Variants in ANGPT4 observed in about 807,000 individuals in gnomAD.
The protein encoded by ANGPT4 is angiopoietin 4, also known as angiopoietin-4.
A neutral mutation model predicts 53.0 loss-of-function variants in ANGPT4; 50 were observed. The ratio of observed to expected loss-of-function variants is 0.94; its 90% confidence interval spans 0.75 to 1.20. The LOEUF (loss-of-function observed/expected upper bound fraction) is 1.20, where lower values mean the gene tolerates loss of function less well. Ranked by LOEUF, ANGPT4 falls within the 50% of genes most tolerant of loss-of-function variation. The probability of loss-of-function intolerance (pLI) is 0.00; values close to 1 mark genes in which losing one functional copy is unlikely to be tolerated. For synonymous variants in ANGPT4, 251 were observed against 259.7 expected, an observed-to-expected ratio of 0.97 and a Z score of 0.32; for missense variants, 648 against 637.1, an observed-to-expected ratio of 1.02 and a Z score of -0.18.
chr20:915,224 G>GCCC (rs143189522), intron 1 of ANGPT4, among the ~76,000 whole-genome samples: 15 of 145,680 alleles, frequency 1.0e-4, no homozygotes, highest in African/African-American at 2.6e-4. Flanking sequence ...CCTTCCAGTG[G>GCCC]CCCCCCCCCC....
rs934241849 is a variant in ANGPT4, at chr20:898,377, G to T, written c.310-8009C>A. Reference sequence around the variant, plus strand: ...GGCTTGAGCTGAAGGCACAGTCAAGGTTAATGCTCCTTTTTCTTTATCTGA... The same window carrying T: ...GGCTTGAGCTGAAGGCACAGTCAAGTTTAATGCTCCTTTTTCTTTATCTGA... On this transcript the variant is annotated intron_variant, in intron 1 of 8. Coordinates refer to ENST00000381922, the MANE Select transcript of ANGPT4 (RefSeq NM_015985.4). Among the ~76,000 whole-genome samples the T allele has an allele frequency of 5.9e-5, 9 of 152,266 alleles. No homozygotes were observed. The South Asian group carries it at 1.0e-3, about 17-fold the overall frequency.
intron 1 of ANGPT4, among the ~76,000 whole-genome samples, chr20:904,619 C>A (rs2122854711): frequency 6.6e-6 from 1 of 152,306 alleles, no homozygotes; most frequent in African/African-American, 2.4e-5. Context: ...AGTGAAATCA[C>A]ACGTTTTTTT....
Position 872,873 on chromosome 20 carries a change from A to G in ANGPT4, c.*87T>C. The stretch of plus-strand genomic sequence containing the variant: ...CCAGGGTGTCAGGGAAGGCGGTGGC[A>G]CAGTGTCTTGCATCTGGGTCCAGGT... On this transcript the variant is annotated 3_prime_UTR_variant, in exon 9 of 9. Transcript: ENST00000381922. 1 of 1,539,094 alleles carries G rather than the reference A, an allele frequency of 6.5e-7. No homozygotes were observed. The highest frequency in any genetic ancestry group is 8.9e-7 in the Non-Finnish European group (1 of 1,129,848).
intron 1 of ANGPT4, among the ~76,000 whole-genome samples, chr20:890,677 A>G (rs1600053758): frequency 6.6e-6 from 1 of 152,198 alleles, no homozygotes; most frequent in Non-Finnish European, 1.5e-5. Context: ...TCCTTTGCTC[A>G]AAATCTTTCC....
At chr20:885,753 C>T (rs983291839) in intron 3 of ANGPT4, among the ~76,000 whole-genome samples, 1 of 152,120 alleles carries the variant, frequency 6.6e-6, no homozygotes, top group African/African-American at 2.4e-5. Flanking sequence ...GAATCCGTTG[C>T]GTTTTGGCGT....
chr20:885,041 G>T (rs755455470), intron 4 of ANGPT4, 37 bp downstream of exon 4: 4 of 1,611,296 alleles, frequency 2.5e-6, no homozygotes, highest in Non-Finnish European at 3.4e-6. Context: ...TCTCCTGCCC[G>T]TCTTTAGCCA....
At chr20:892,786 C>T (rs1275965012) in intron 1 of ANGPT4, among the ~76,000 whole-genome samples, 1 of 152,136 alleles carries the variant, frequency 6.6e-6, no homozygotes, top group African/African-American at 2.4e-5. Context: ...AATCCTCCCA[C>T]CTCCCAAATA....
At chr20:877,257 T>C (rs1375124913) in intron 7 of ANGPT4, among the ~76,000 whole-genome samples, 1 of 152,180 alleles carries the variant, frequency 6.6e-6, no homozygotes, top group African/African-American at 2.4e-5. Context: ...TGATTGCAAC[T>C]ATGGAGGGAA....
intron 1 of ANGPT4, among the ~76,000 whole-genome samples, chr20:907,921 C>T (rs778542687): frequency 9.2e-5 from 14 of 152,180 alleles, no homozygotes; most frequent in Non-Finnish European, 1.8e-4. Context: ...TCCCCAGCAG[C>T]CTGGAGGAAA....
intron 7 of ANGPT4, among the ~76,000 whole-genome samples, chr20:876,144 C>CAAAA (rs3030778): frequency 2.6e-4 from 26 of 99,092 alleles, no homozygotes; most frequent in African/African-American, 7.6e-4. Flanking sequence ...AGCCCTGTCT[C>CAAAA]AAAAAAAAAA....
chr20:880,016 T>C (rs1600044078), intron 5 of ANGPT4, among the ~76,000 whole-genome samples, 168 bp from the exon 6 acceptor site: 1 of 152,198 alleles, frequency 6.6e-6, no homozygotes, highest in South Asian at 2.1e-4. Flanking sequence ...CCCATTGTCA[T>C]CATTTTTCTA....
chr20:909,843 G>A (rs1332539992), intron 1 of ANGPT4, among the ~76,000 whole-genome samples: 1 of 152,194 alleles, frequency 6.6e-6, no homozygotes, highest in Non-Finnish European at 1.5e-5. Flanking sequence ...TGTAATTGTG[G>A]GGACACCCAG....
Position 875,876 on chromosome 20 carries a change from T to A in ANGPT4, c.1221-1462A>T, listed in dbSNP as rs4331587. On this transcript the variant is annotated intron_variant, in intron 7 of 8. Transcript: ENST00000381922. ...TGGGTAGGGTGGCTCACGCCTGTAATCCCCGCACTTTGGGAGGCTGAGGCA... is the reference window on the plus strand; with the variant it reads ...TGGGTAGGGTGGCTCACGCCTGTAAACCCCGCACTTTGGGAGGCTGAGGCA... Among the ~76,000 whole-genome samples the A allele has an allele frequency of 5.5e-3, 844 of 152,152 alleles. 7 individuals are homozygous for A. The highest frequency in any genetic ancestry group is 0.019 in the African/African-American group (787 of 41,510).
intron 5 of ANGPT4, among the ~76,000 whole-genome samples, chr20:880,601 G>A (rs1242336895): frequency 6.6e-6 from 1 of 152,020 alleles, no homozygotes; most frequent in Non-Finnish European, 1.5e-5. Context: ...AAAAAAAAGG[G>A]AATTATGAAG....
intron 1 of ANGPT4, 90 bp from the exon 2 acceptor site, chr20:890,458 G>A (rs1255971335): frequency 6.8e-6 from 8 of 1,180,720 alleles, no homozygotes; most frequent in Non-Finnish European, 9.4e-6. Context: ...GCACTGAGCA[G>A]CCACTTGAGG....
chr20:890,826 C>G (rs2122808741), intron 1 of ANGPT4, among the ~76,000 whole-genome samples: 1 of 152,218 alleles, frequency 6.6e-6, no homozygotes, highest in South Asian at 2.1e-4. Context: ...CATGACATCC[C>G]TCTAACGAAG....
Position 885,344 on chromosome 20 carries a change from A to C in ANGPT4, c.588-19T>G. Reference sequence around the variant, plus strand: ...GAGCGCGCTGCGGGGTAGGGGGCGCACAGAGGTGAGCCTGGCATCCTCGCG... The same window carrying C: ...GAGCGCGCTGCGGGGTAGGGGGCGCCCAGAGGTGAGCCTGGCATCCTCGCG... On this transcript the variant is annotated intron_variant, in intron 3 of 8. Transcript: ENST00000381922. 1 of 1,562,048 alleles carries C rather than the reference A, an allele frequency of 6.4e-7. No homozygotes were observed. The highest frequency in any genetic ancestry group is 8.6e-7 in the Non-Finnish European group (1 of 1,160,192).
chr20:879,958 G>A (rs1434275819), intron 5 of ANGPT4, 110 bp from the exon 6 acceptor site: 2 of 595,410 alleles, frequency 3.4e-6, no homozygotes, highest in Non-Finnish European at 5.6e-6. Flanking sequence ...AGCAACAGGT[G>A]AGCCTGGGGG....
At chr20:887,552 C>CT (rs1216190383) in intron 3 of ANGPT4, among the ~76,000 whole-genome samples, 2 of 151,714 alleles carry the variant, frequency 1.3e-5, no homozygotes, top group East Asian at 3.9e-4. Flanking sequence ...ACTTTGGCAG[C>CT]TTTTTTTCTT....
Sources: gnomAD v4.1 joint callset for allele counts (sites outside exome capture counted in the v4.1 genomes callset) on GRCh38, gnomAD v4.1.1 for gene constraint, MANE v1.5 for transcripts, NCBI Gene and HGNC (gene_info 2026-07-23, HGNC 2026-07-21) for gene names.